The following WDR64 variants were observed in gnomAD, a reference collection of about 807,000 sequenced individuals.
The protein encoded by WDR64 is WD repeat-containing protein 64.
Under a neutral mutation model 139.3 loss-of-function variants are expected in WDR64, and 112 were observed. The ratio of observed to expected loss-of-function variants is 0.80; its 90% CI spans 0.69 to 0.94. The LOEUF is 0.94. Ranked by LOEUF, WDR64 falls within the 40% of genes least tolerant of loss-of-function variation. The pLI, the probability that WDR64 is intolerant of heterozygous loss-of-function variation, is 0.00. For missense variants in WDR64, 1,206 were observed against 1,293.1 expected (o/e 0.93, Z 1.03); for synonymous variants, 444 against 437.7 (o/e 1.01, Z -0.18).
intron 23 of WDR64, among the ~76,000 whole-genome samples, chr1:241,786,869 A>G (rs1400886370): frequency 2.6e-5 from 4 of 152,240 alleles, no homozygotes; most frequent in Non-Finnish European, 4.4e-5. Context: ...GCCATAAAAA[A>G]GAACAAGATC....
chr1:241,795,405 T>G, intron 26 of WDR64, 118 bp downstream of exon 26: 1 of 879,932 alleles, frequency 1.1e-6, no homozygotes. Flanking sequence ...GTTGGACCGT[T>G]GCTTCCAAAA....
At position 241,770,700 on chromosome 1, in the gene WDR64, A is replaced by G. The variant is rs1232673923; in HGVS notation, c.2253+10A>G. 6.5e-7 allele frequency: 1 copy of G among 1,548,218 alleles called. No homozygotes were observed. Among genetic ancestry groups the G allele is most frequent in the Non-Finnish European group, 8.7e-7 (1 of 1,146,512 alleles). On this transcript the variant is annotated intron_variant, in intron 18 of 27. Coordinates refer to ENST00000437684, the MANE Select transcript of WDR64 (RefSeq NM_001367482.1). ...TCCACAGAGCAGTAAGGTAAGCAAG[A>G]CACAGACAGGGTCTGTCTTCCTGTC... is the stretch of plus-strand genomic sequence containing the variant.
chr1:241,771,571 A>C (rs1658432324), intron 18 of WDR64, 90 bp from the exon 19 acceptor site: 1 of 988,110 alleles, frequency 1.0e-6, no homozygotes, highest in Non-Finnish European at 1.4e-6. Flanking sequence ...AGAAATGAAA[A>C]TTCAACTATC....
chr1:241,765,187 GAA>G (rs61516761), intron 15 of WDR64, among the ~76,000 whole-genome samples: 34 of 146,868 alleles, frequency 2.3e-4, no homozygotes, highest in East Asian at 2.0e-4. Flanking sequence ...ATCTGTCTCT[GAA>G]AAAAAAAAAA....
At chr1:241,736,052 A>G (rs944551442) in intron 10 of WDR64, among the ~76,000 whole-genome samples, 2 of 152,058 alleles carry the variant, frequency 1.3e-5, no homozygotes, top group African/African-American at 2.4e-5. Flanking sequence ...TGAAAAAGCT[A>G]CACATCCACA....
chr1:241,725,189 T>C (rs1668757585), intron 10 of WDR64, among the ~76,000 whole-genome samples: 9 of 152,036 alleles, frequency 5.9e-5, no homozygotes, highest in Admixed American at 5.9e-4. Flanking sequence ...TGGGTGGAAA[T>C]AAAACTGGCA....
At chr1:241,735,048 G>A (rs954401674) in intron 10 of WDR64, among the ~76,000 whole-genome samples, 1 of 152,134 alleles carries the variant, frequency 6.6e-6, no homozygotes, top group African/African-American at 2.4e-5. Context: ...TAATTTTTTT[G>A]AGTTTTTGTT....
At chr1:241,776,515 T>C (rs1269469534) in intron 21 of WDR64, among the ~76,000 whole-genome samples, 1 of 152,214 alleles carries the variant, frequency 6.6e-6, no homozygotes, top group Non-Finnish European at 1.5e-5. Context: ...AGGTTATCCC[T>C]GTTTTTCCTG....
At chr1:241,799,649 A>G (rs1659467725) in intron 27 of WDR64, among the ~76,000 whole-genome samples, 2 of 152,312 alleles carry the variant, frequency 1.3e-5, no homozygotes, top group Admixed American at 6.5e-5. Context: ...TGAGATTCCA[A>G]AAAAGCAAGT....
intron 8 of WDR64, among the ~76,000 whole-genome samples, chr1:241,705,197 C>T (rs563513494): frequency 6.6e-6 from 1 of 152,092 alleles, no homozygotes; most frequent in African/African-American, 2.4e-5. Context: ...CACATGTACG[C>T]GATGACCACT....
intron 1 of WDR64, among the ~76,000 whole-genome samples, chr1:241,654,039 T>C (rs1665480915): frequency 6.6e-6 from 1 of 152,230 alleles, no homozygotes. Flanking sequence ...ATGGGATGTC[T>C]GCTTCTCTCA....
chr1:241,764,363 A>G (rs1658052763), intron 15 of WDR64, among the ~76,000 whole-genome samples: 1 of 152,158 alleles, frequency 6.6e-6, no homozygotes, highest in Non-Finnish European at 1.5e-5. Context: ...GTTAAAAGAT[A>G]TAAGGATGAC....
intron 2 of WDR64, among the ~76,000 whole-genome samples, chr1:241,669,910 A>T (rs966551924): frequency 2.6e-5 from 4 of 152,196 alleles, no homozygotes; most frequent in African/African-American, 9.6e-5. Context: ...GACCCACTCC[A>T]GACCTACTGA....
At chr1:241,765,014 G>A (rs1658092301) in intron 15 of WDR64, among the ~76,000 whole-genome samples, 1 of 151,958 alleles carries the variant, frequency 6.6e-6, no homozygotes, top group Admixed American at 6.6e-5. Context: ...GTGAGACCTT[G>A]TCTCTACAAA....
intron 13 of WDR64, 119 bp from the exon 14 acceptor site, chr1:241,749,428 A>G: frequency 1.7e-6 from 2 of 1,202,596 alleles, no homozygotes; most frequent in Non-Finnish European, 2.4e-6. Context: ...TGAGTAGGGA[A>G]TAAATATAGG....
At chr1:241,754,470 C>T (rs1032751675) in intron 14 of WDR64, among the ~76,000 whole-genome samples, 3 of 151,824 alleles carry the variant, frequency 2.0e-5, no homozygotes, top group Non-Finnish European at 1.5e-5. Context: ...CAGGCACATG[C>T]TACCATGCCC....
intron 8 of WDR64, among the ~76,000 whole-genome samples, chr1:241,689,105 C>T (rs1228353155): frequency 6.6e-6 from 1 of 152,138 alleles, no homozygotes; most frequent in Non-Finnish European, 1.5e-5. Context: ...CTGACAAGCA[C>T]TTGTGAAATT....
At chr1:241,654,601 C>T (rs375616919) in intron 1 of WDR64, among the ~76,000 whole-genome samples, 3 of 152,270 alleles carry the variant, frequency 2.0e-5, no homozygotes, top group Admixed American at 6.5e-5. Flanking sequence ...GCTTTGCCTA[C>T]TGTGTTCTCT....
intron 14 of WDR64, among the ~76,000 whole-genome samples, chr1:241,752,563 T>G (rs1352116124): frequency 6.6e-6 from 1 of 152,198 alleles, no homozygotes; most frequent in Non-Finnish European, 1.5e-5. Context: ...TAAAAACCAC[T>G]GTTGGGCTGG....
Sources: gnomAD v4.1 joint callset for allele counts (sites outside exome capture counted in the v4.1 genomes callset) on GRCh38, gnomAD v4.1.1 for gene constraint, MANE v1.5 for transcripts, NCBI Gene and HGNC (gene_info 2026-07-23, HGNC 2026-07-21) for gene names.